Variants in TMEM116 observed in about 807,000 individuals in gnomAD.
The protein encoded by TMEM116 is transmembrane protein 116.
TMEM116 carries 38 observed loss-of-function variants against 44.3 expected under a neutral mutation model. The ratio of observed to expected loss-of-function variants is 0.86; its 90% confidence interval spans 0.66 to 1.12. The LOEUF (loss-of-function observed/expected upper bound fraction) is 1.12, where lower values mean the gene tolerates loss of function less well. Ranked by LOEUF, TMEM116 falls within the 50% of genes most tolerant of loss-of-function variation. The pLI is 0.00. For missense variants in TMEM116, 354 were observed against 401.7 expected (o/e 0.88, Z 1.01); for synonymous variants, 132 against 144.8 (o/e 0.91, Z 0.64).
chr12:111,979,791 A>G (rs986146478), intron 4 of TMEM116, among the ~76,000 whole-genome samples: 3 of 152,234 alleles, frequency 2.0e-5, no homozygotes, highest in Non-Finnish European at 4.4e-5. Context: ...AAATATTTGG[A>G]TATGTCACCA....
chr12:111,953,476 G>A (rs764191245), intron 4 of TMEM116, among the ~76,000 whole-genome samples: 33 of 152,116 alleles, frequency 2.2e-4, no homozygotes, highest in Non-Finnish European at 4.3e-4. Flanking sequence ...ATGGAGCCAG[G>A]GAAGGCCAAG....
intron 3 of TMEM116, among the ~76,000 whole-genome samples, chr12:112,001,418 A>G (rs1328255715): frequency 2.0e-4 from 30 of 152,064 alleles, no homozygotes; most frequent in Admixed American, 2.0e-3. Context: ...TGCTCAAGCA[A>G]TCCCCACCTC....
rs2077428166 is a variant in TMEM116 at position 112,003,936 on chromosome 12, G to GT, written c.15-74_15-73insA. ...GCCATCGTTTTTGTTATTAATTTTG[G>GT]GTTTTTTTTACAGTTTTATTGGCAT... On this transcript the variant is annotated intron_variant, in intron 2 of 10. Transcript: ENST00000552374. 30 of 1,409,254 alleles carry GT rather than the reference G, an allele frequency of 2.1e-5. No individual in the cohort carries two copies. The East Asian group carries it at 5.7e-4, about 27-fold the overall frequency. 87.3% of individuals were successfully genotyped at this position (1,409,254 alleles called of 1,614,324 possible).
chr12:112,008,183 T>C (rs927149051), intron 1 of TMEM116, among the ~76,000 whole-genome samples: 1 of 151,870 alleles, frequency 6.6e-6, no homozygotes, highest in Non-Finnish European at 1.5e-5. Flanking sequence ...TGAAACCCTG[T>C]GTTAAAAAGA....
intron 4 of TMEM116, among the ~76,000 whole-genome samples, chr12:111,975,950 A>T (rs1376538480): frequency 6.6e-6 from 1 of 152,160 alleles, no homozygotes; most frequent in Non-Finnish European, 1.5e-5. Flanking sequence ...ATTATAACTG[A>T]GAGAGGTTCA....
intron 5 of TMEM116, among the ~76,000 whole-genome samples, chr12:111,938,867 A>G (rs2072411070): frequency 6.6e-6 from 1 of 150,938 alleles, no homozygotes; most frequent in Non-Finnish European, 1.5e-5. Context: ...AGAATTAAAA[A>G]TAAGCTTTTT....
intron 4 of TMEM116, among the ~76,000 whole-genome samples, chr12:111,971,723 C>T (rs1262733016): frequency 6.6e-6 from 1 of 151,750 alleles, no homozygotes; most frequent in African/African-American, 2.4e-5. Flanking sequence ...AATAGTAAGA[C>T]CTAACTAAAT....
intron 3 of TMEM116, chr12:111,993,822 C>T (rs914301764): frequency 2.7e-6 from 2 of 745,746 alleles, no homozygotes; most frequent in African/African-American, 3.4e-5. Flanking sequence ...TTGTTTCTCA[C>T]CCTGATGATT....
intron 3 of TMEM116, chr12:111,993,021 G>T (rs547776124): frequency 3.6e-5 from 6 of 165,864 alleles, no homozygotes; most frequent in Non-Finnish European, 6.5e-5. Context: ...CCTGGCATGG[G>T]TGAACTCCTT....
chr12:111,976,213 G>A (rs2075663139), intron 4 of TMEM116, among the ~76,000 whole-genome samples: 1 of 152,018 alleles, frequency 6.6e-6, no homozygotes, highest in Admixed American at 6.6e-5. Flanking sequence ...TCACCATGTT[G>A]GTCAGGATGG....
chr12:111,976,763 A>T (rs192770078), intron 4 of TMEM116, among the ~76,000 whole-genome samples: 1 of 152,322 alleles, frequency 6.6e-6, no homozygotes, highest in East Asian at 1.9e-4. Context: ...TAATGTAAAA[A>T]TGGAAACTCT....
Position 111,933,956 on chromosome 12 carries a change from C to T in TMEM116, c.663G>A (p.Trp221Ter), listed in dbSNP as rs1197463242. 1.2e-6 allele frequency: 2 copies of T among 1,614,126 alleles called. No individual in the cohort carries two copies. The highest frequency in any genetic ancestry group is 1.7e-6 in the Non-Finnish European group (2 of 1,180,030). The change falls in exon 9 of 11, where the codon TGG becomes TGA. Residue 221 changes from tryptophan (W) to a stop codon, truncating the protein, a stop_gained. Coordinates refer to ENST00000552374, the MANE Select transcript of TMEM116 (RefSeq NM_001193531.2). LOFTEE classifies it high-confidence loss of function. ...KSTGFLGSEQWAVIHIVDQRV... is the reference protein window; with the variant it reads ...KSTGFLGSEQ ...GTTGGTCCACAATGTGAATCACTGCCCACTGTTCACTCCCCAGAAAGCCAG... is the reference window on the plus strand; with the variant it reads ...GTTGGTCCACAATGTGAATCACTGCTCACTGTTCACTCCCCAGAAAGCCAG...
chr12:111,939,894 G>C (rs1388184027), intron 5 of TMEM116, among the ~76,000 whole-genome samples: 1 of 128,658 alleles, frequency 7.8e-6, no homozygotes, highest in Non-Finnish European at 1.5e-5. Flanking sequence ...GTGTGTGTGT[G>C]TGTGTGTGTG....
intron 9 of TMEM116, among the ~76,000 whole-genome samples, chr12:111,933,149 G>A (rs2071797559): frequency 6.6e-6 from 1 of 151,708 alleles, no homozygotes; most frequent in Admixed American, 6.6e-5. Flanking sequence ...GCTGAGGCAG[G>A]AGAATTGCTT....
chr12:112,005,164 A>G, intron 2 of TMEM116, 93 bp downstream of exon 2: 1 of 841,622 alleles, frequency 1.2e-6, no homozygotes, highest in Non-Finnish European at 1.7e-6. Flanking sequence ...ACTAAAGAGT[A>G]AAAGCAAATC....
chr12:111,957,135 G>A (rs1463654208), intron 4 of TMEM116, among the ~76,000 whole-genome samples: 1 of 149,622 alleles, frequency 6.7e-6, no homozygotes, highest in East Asian at 2.0e-4. Flanking sequence ...CCCAGTCTGG[G>A]AAGTGAGGAG....
At chr12:111,967,896 A>T (rs1420433518) in intron 4 of TMEM116, among the ~76,000 whole-genome samples, 1 of 152,204 alleles carries the variant, frequency 6.6e-6, no homozygotes, top group African/African-American at 2.4e-5. Context: ...AGAAATGAAT[A>T]AAGTGAACTC....
intron 3 of TMEM116, among the ~76,000 whole-genome samples, chr12:111,998,545 C>T (rs1051178573): frequency 1.3e-5 from 2 of 152,182 alleles, no homozygotes; most frequent in Non-Finnish European, 2.9e-5. Flanking sequence ...AGGCTGGGCG[C>T]AGTGGCTCAT....
chr12:111,999,624 A>G (rs1306434948), intron 3 of TMEM116, among the ~76,000 whole-genome samples: 1 of 151,890 alleles, frequency 6.6e-6, no homozygotes, highest in Non-Finnish European at 1.5e-5. Flanking sequence ...TAAATTATAT[A>G]TACATATATA....
Sources: allele counts gnomAD v4.1 joint callset (sites outside exome capture counted in the v4.1 genomes callset), GRCh38; gene constraint gnomAD v4.1.1; transcripts MANE v1.5; gene names NCBI Gene and HGNC (gene_info 2026-07-23, HGNC 2026-07-21).